The following ZFPM1 variants were observed in gnomAD, a reference collection of about 807,000 sequenced individuals.
The protein encoded by ZFPM1 is zinc finger protein, FOG family member 1.
ZFPM1 carries 28 observed loss-of-function variants against 46.3 expected under a neutral mutation model. The observed-to-expected ratio is 0.60, with a 90% confidence interval of 0.45 to 0.83. ZFPM1 has a LOEUF of 0.83. Among genes scored for constraint, ZFPM1 ranks in the 40% least tolerant of loss-of-function variants. The probability of loss-of-function intolerance (pLI) is 0.00; values close to 1 mark genes in which losing one functional copy is unlikely to be tolerated. For synonymous variants in ZFPM1, 957 were observed against 675.9 expected (o/e 1.42, Z -6.45); for missense variants, 1,878 against 1,432.4 (o/e 1.31, Z -5.02).
intron 6 of ZFPM1, among the ~76,000 whole-genome samples, chr16:88,529,437 G>A (rs796133491): frequency 6.6e-6 from 1 of 151,892 alleles, no homozygotes; most frequent in Non-Finnish European, 1.5e-5. Flanking sequence ...GAGACCTGCA[G>A]GGCCAAGTGT....
chr16:88,473,599 T>C (rs1908525870), intron 1 of ZFPM1, among the ~76,000 whole-genome samples: 1 of 152,026 alleles, frequency 6.6e-6, no homozygotes, highest in Non-Finnish European at 1.5e-5. Context: ...GCCAGCTGCC[T>C]CCACCCATCT....
intron 5 of ZFPM1, among the ~76,000 whole-genome samples, chr16:88,527,610 G>A (rs1243898155): frequency 6.6e-6 from 1 of 152,048 alleles, no homozygotes; most frequent in Non-Finnish European, 1.5e-5. Context: ...CGCAGCCTGG[G>A]CTTTGTGGGC....
At position 88,471,605 on chromosome 16, in the gene ZFPM1, G is replaced by T. The variant is rs1020524225; in HGVS notation, c.41-14334G>T. On this transcript the variant is annotated intron_variant, in intron 1 of 9. Transcript: ENST00000319555. This position sits in a 1 kb window ranked among gnomAD's most constrained non-coding sequence, Gnocchi z 4.1. ...GACGCCAGGACCCCGAGATGATCGT[G>T]GCTGTAGCGGCTCCCACTCACAGAG... Among the ~76,000 whole-genome samples, 4 of 152,196 alleles carry T rather than the reference G, an allele frequency of 2.6e-5. No individual in the cohort carries two copies. Among genetic ancestry groups the T allele is most frequent in the Admixed American group, 6.5e-5 (1 of 15,280 alleles).
chr16:88,458,220 G>T (rs934580946), intron 1 of ZFPM1, among the ~76,000 whole-genome samples: 6 of 152,222 alleles, frequency 3.9e-5, no homozygotes, highest in Non-Finnish European at 7.3e-5. Context: ...GCTTCTGTCT[G>T]CCCTGCCACC....
chr16:88,473,050 C>A (rs894047687), intron 1 of ZFPM1, among the ~76,000 whole-genome samples: 24 of 152,384 alleles, frequency 1.6e-4, no homozygotes, highest in Middle Eastern at 6.8e-3. Context: ...CGCTGCCGTC[C>A]CCCGTGGGAC....
At chr16:88,478,060 T>C (rs1324851892) in intron 1 of ZFPM1, among the ~76,000 whole-genome samples, 1 of 152,106 alleles carries the variant, frequency 6.6e-6, no homozygotes, top group African/African-American at 2.4e-5. Flanking sequence ...GAGCTCTGTC[T>C]GTCTGCCTCT....
At position 88,453,674 on chromosome 16, in the gene ZFPM1, C is replaced by T. The variant is rs372661144; in HGVS notation, c.36C>T (p.Ile12=). Residue 12 remains isoleucine (I), a synonymous_variant, in exon 1 of 10, where the codon ATC becomes ATT. Transcript: ENST00000319555. The stretch of plus-strand genomic sequence containing the variant: ...GGAAACAGAGCAACCCCCGGCAGAT[C>T]AAGCGTGAGTCAAACTTTGCCCGCG... The part of the protein sequence containing the change: ...SRRKQSNPRQ[I]KRSLGDMEAR... The T allele has an allele frequency of 8.3e-4, 993 of 1,202,240 alleles. 10 individuals carry two copies. In the African/African-American group the frequency reaches 0.015, roughly 18 times the overall value. 74.5% of individuals were successfully genotyped at this position (1,202,240 alleles called of 1,614,324 possible). A position where few individuals can be genotyped will look rare whatever the true frequency, so the allele number is the denominator to read the frequency against.
At chr16:88,509,903 C>T (rs946169616) in intron 3 of ZFPM1, among the ~76,000 whole-genome samples, 5 of 152,108 alleles carry the variant, frequency 3.3e-5, no homozygotes, top group Admixed American at 1.3e-4. Context: ...ACGGTTCCTG[C>T]GCTGGGCACT....
At chr16:88,487,422 G>A (rs1313820728) in intron 2 of ZFPM1, among the ~76,000 whole-genome samples, 4 of 152,222 alleles carry the variant, frequency 2.6e-5, no homozygotes, top group Non-Finnish European at 5.9e-5. Flanking sequence ...AGGATGCTAG[G>A]TGGGTGACAT....
At chr16:88,473,186 G>T (rs1230762227) in intron 1 of ZFPM1, among the ~76,000 whole-genome samples, 1 of 152,276 alleles carries the variant, frequency 6.6e-6, no homozygotes, top group East Asian at 1.9e-4. Flanking sequence ...AGGCATCTGA[G>T]GGTCTGGACA....
chr16:88,489,333 T>C (rs1168177999), intron 3 of ZFPM1, 180 bp downstream of exon 3: 1 of 1,013,484 alleles, frequency 9.9e-7, no homozygotes, highest in Non-Finnish European at 1.4e-6. Flanking sequence ...TCACTGGAGC[T>C]TGGCACCCTC....
At chr16:88,475,166 G>A (rs771859011) in intron 1 of ZFPM1, among the ~76,000 whole-genome samples, 2 of 152,250 alleles carry the variant, frequency 1.3e-5, no homozygotes, top group Non-Finnish European at 2.9e-5. Context: ...AGCCATGCCC[G>A]ATGCCAGCCC....
At chr16:88,462,634 C>T (rs757257067) in intron 1 of ZFPM1, among the ~76,000 whole-genome samples, 15 of 152,198 alleles carry the variant, frequency 9.9e-5, no homozygotes, top group Non-Finnish European at 1.6e-4. Context: ...CGGGTTGTTC[C>T]GGGAGCTTCC....
Position 88,480,940 on chromosome 16 carries a change from G to T in ZFPM1, c.41-4999G>T, listed in dbSNP as rs996890739. On this transcript the variant is annotated intron_variant, in intron 1 of 9. Transcript: ENST00000319555. This position sits in a 1 kb window ranked among gnomAD's most constrained non-coding sequence, Gnocchi z 4.9. ...ACCTTAATCGTCGGTGTGGGGACTT[G>T]GAAGGGAGCTGGGATCATCCCGCTG... 6.6e-6 allele frequency among the ~76,000 whole-genome samples: 1 copy of T among 152,244 alleles called. No individual in the cohort carries two copies. The highest frequency in any genetic ancestry group is 1.5e-5 in the Non-Finnish European group (1 of 68,042).
At chr16:88,505,064 C>T (rs1418695486) in intron 3 of ZFPM1, among the ~76,000 whole-genome samples, 1 of 152,244 alleles carries the variant, frequency 6.6e-6, no homozygotes, top group Non-Finnish European at 1.5e-5. Context: ...ATAATTGCAG[C>T]GATGTTCCAG....
chr16:88,523,555 A>T (rs75303800), intron 4 of ZFPM1, among the ~76,000 whole-genome samples: 25 of 152,258 alleles, frequency 1.6e-4, no homozygotes, highest in African/African-American at 5.8e-4. Context: ...TGCCACCTCC[A>T]GGCTGGGGAC....
At chr16:88,479,510 G>A (rs1000353563) in intron 1 of ZFPM1, among the ~76,000 whole-genome samples, 1 of 152,120 alleles carries the variant, frequency 6.6e-6, no homozygotes, top group Middle Eastern at 3.2e-3. Context: ...CGCTCCCATA[G>A]CGTGGCCTCA....
intron 3 of ZFPM1, among the ~76,000 whole-genome samples, chr16:88,496,439 A>G (rs1449565847): frequency 6.6e-6 from 1 of 151,998 alleles, no homozygotes; most frequent in Non-Finnish European, 1.5e-5. Flanking sequence ...CCGGGCAAGC[A>G]ATCCTCATGA....
chr16:88,479,976 G>A (rs571443176), intron 1 of ZFPM1, among the ~76,000 whole-genome samples: 1 of 151,624 alleles, frequency 6.6e-6, no homozygotes, highest in East Asian at 1.9e-4. Flanking sequence ...GACAGCAGCT[G>A]TGGTGACAAC....
Sources: gnomAD v4.1 joint callset for allele counts (sites outside exome capture counted in the v4.1 genomes callset) on GRCh38, gnomAD v4.1.1 for gene constraint, Gnocchi (gnomAD v3.1) non-coding constraint, MANE v1.5 for transcripts, NCBI Gene and HGNC (gene_info 2026-07-23, HGNC 2026-07-21) for gene names.